Variants in WRNIP1 observed in about 807,000 individuals in gnomAD.
WRNIP1 encodes the protein WRN helicase interacting protein 1.
In WRNIP1, 41 loss-of-function variants were observed where a neutral mutation model predicts 56.1. That is an observed-to-expected ratio of 0.73 (90% confidence interval 0.57 to 0.95). The LOEUF (loss-of-function observed/expected upper bound fraction) is 0.95. Ranked by LOEUF, WRNIP1 falls within the 40% of genes least tolerant of loss-of-function variation. WRNIP1 has a pLI of 0.00. For synonymous variants in WRNIP1, 547 were observed against 398.1 expected (o/e 1.37, Z -4.45); for missense variants, 1,170 against 939.4 (o/e 1.25, Z -3.21).
At chr6:2,784,627 C>G (rs1765664017) in intron 6 of WRNIP1, among the ~76,000 whole-genome samples, 1 of 152,154 alleles carries the variant, frequency 6.6e-6, no homozygotes. Flanking sequence ...TTCCGGGGTT[C>G]AGAGCACATG....
Position 2,766,087 on chromosome 6 carries a change from C to G in WRNIP1, c.465C>G (p.Arg155=). 1 of 1,311,998 alleles carries G rather than the reference C, an allele frequency of 7.6e-7. No homozygotes were observed. Among genetic ancestry groups the G allele is most frequent in the South Asian group, 2.2e-5 (1 of 44,638 alleles). 81.3% of individuals were successfully genotyped at this position (1,311,998 alleles called of 1,614,324 possible). The change falls in exon 1 of 7, where the codon CGC becomes CGG. Residue 155 remains arginine (R), a synonymous_variant. Coordinates refer to ENST00000380773, the MANE Select transcript of WRNIP1 (RefSeq NM_020135.3). The part of the protein sequence containing the change: ...AAAAAGSASP[R]SWDEAEAQEE... ...CCGCGGCGGGGAGCGCGTCTCCGCG[C>G]AGCTGGGACGAGGCGGAGGCGCAGG...
At position 2,785,995 on chromosome 6, in the gene WRNIP1, G is replaced by A. The variant is rs562920573; in HGVS notation, c.*713G>A. On this transcript the variant is annotated 3_prime_UTR_variant, in exon 7 of 7. Transcript: ENST00000380773. ...ATGCCCATTTTTTCCCACTTGTCCT[G>A]GTTTCTTCTTGCAGCTCCATATTTC... 6.6e-6 allele frequency: 1 copy of A among 151,922 alleles called. No individual in the cohort carries two copies. The highest frequency in any genetic ancestry group is 1.5e-5 in the Non-Finnish European group (1 of 67,738). 9.4% of individuals were successfully genotyped at this position (151,922 alleles called of 1,614,324 possible).
Position 2,784,404 on chromosome 6 carries a change from G to C in WRNIP1, c.1722+1G>C. On this transcript the variant is annotated splice_donor_variant, in intron 6 of 6. Transcript: ENST00000380773. LOFTEE classifies it high-confidence loss of function. The stretch of plus-strand genomic sequence containing the variant: ...TTTTATAGGCATGCCTGAATGTGAG[G>C]TAAAGTAATCAGCTCATTTCTTGCA... 1 of 1,613,836 alleles carries C rather than the reference G, an allele frequency of 6.2e-7. No homozygotes were observed.
rs1305034908 is a variant in WRNIP1 at position 2,765,592 on chromosome 6, G to T, written c.-31G>T. 2 of 1,469,468 alleles carry T rather than the reference G, an allele frequency of 1.4e-6. No homozygotes were observed. The highest frequency in any genetic ancestry group is 1.8e-6 in the Non-Finnish European group (2 of 1,117,330). 91.0% of individuals were successfully genotyped at this position (1,469,468 alleles called of 1,614,324 possible). Reference sequence around the variant, plus strand: ...CGCGTGCGCACGGGTTGCTGCGGCCGCGCCGGGCGCCGGGGAGGGCGGCGG... The same window carrying T: ...CGCGTGCGCACGGGTTGCTGCGGCCTCGCCGGGCGCCGGGGAGGGCGGCGG... On this transcript the variant is annotated 5_prime_UTR_variant, in exon 1 of 7. Transcript: ENST00000380773.
rs112276806 is a variant in WRNIP1 at position 2,766,046 on chromosome 6, A to T, written c.424A>T (p.Arg142Trp). Residue 142 changes from arginine (R) to tryptophan (W), a missense_variant, in exon 1 of 7, where the codon AGG becomes TGG. Transcript: ENST00000380773. ...SSPGRKGSGK[R>W]PAAAAAAGSA... is the part of the protein sequence containing the mutation. The stretch of plus-strand genomic sequence containing the variant: ...CCCCGGGAGGAAGGGGTCGGGGAAG[A>T]GGCCGGCGGCCGCCGCCGCGGCGGG... 1 of 1,297,052 alleles carries T rather than the reference A, an allele frequency of 7.7e-7. No individual in the cohort carries two copies. Among genetic ancestry groups the T allele is most frequent in the Non-Finnish European group, 9.7e-7 (1 of 1,027,230 alleles). 80.3% of individuals were successfully genotyped at this position (1,297,052 alleles called of 1,614,324 possible). A position where few individuals can be genotyped will look rare whatever the true frequency, so the allele number is the denominator to read the frequency against.
At chr6:2,770,419 A>C in intron 3 of WRNIP1, 58 bp downstream of exon 3, 1 of 1,598,944 alleles carries the variant, frequency 6.3e-7, no homozygotes, top group East Asian at 2.2e-5. Flanking sequence ...GTCTCCTGGC[A>C]GGGGGCCAGA....
In WRNIP1 at chr6:2,783,504, G is replaced by T; in HGVS notation, c.1585G>T (p.Gly529Ter). The change falls in exon 5 of 7, where the codon GGA becomes TGA. Residue 529 changes from glycine to a stop codon, truncating the protein, a stop_gained. Coordinates refer to ENST00000380773, the MANE Select transcript of WRNIP1 (RefSeq NM_020135.3). LOFTEE classifies it high-confidence loss of function. ...CTGGCTGGCTCGCATGCTCGAGGGAGGAGAGGACCCACTCTACGTGGCACG... is the reference window on the plus strand; with the variant it reads ...CTGGCTGGCTCGCATGCTCGAGGGATGAGAGGACCCACTCTACGTGGCACG... Reference protein sequence around the residue: ...LYWLARMLEGGEDPLYVARRL... With the variant: ...LYWLARMLEG 6.2e-7 allele frequency: 1 copy of T among 1,613,992 alleles called. No individual in the cohort carries two copies. The highest frequency in any genetic ancestry group is 8.5e-7 in the Non-Finnish European group (1 of 1,179,984).
chr6:2,772,930 C>T, intron 3 of WRNIP1: 2 of 976,576 alleles, frequency 2.0e-6, no homozygotes, highest in Non-Finnish European at 1.2e-6. Context: ...CTTACTTTCT[C>T]TCTCCAGGAA....
chr6:2,785,301 C>A lies in WRNIP1; in HGVS notation c.*19C>A. 6.2e-7 allele frequency: 1 copy of A among 1,603,746 alleles called. No individual in the cohort carries two copies. Among genetic ancestry groups the A allele is most frequent in the Non-Finnish European group, 8.5e-7 (1 of 1,173,312 alleles). The stretch of plus-strand genomic sequence containing the variant: ...GTGCTGACTCCTCAGGGCACGACAG[C>A]AGAAGGATGTTGCTTTTTTAAGGGA... On this transcript the variant is annotated 3_prime_UTR_variant, in exon 7 of 7. Coordinates refer to ENST00000380773, the MANE Select transcript of WRNIP1 (RefSeq NM_020135.3).
rs143066735 is a variant in WRNIP1, at chr6:2,781,467, A to G, written c.1487-1939A>G. Reference sequence around the variant, plus strand: ...CAGGCTTTGCTCTATAAATAGGGATAGTGGAAGCATTGCCCTGGAAACCTG... The same window carrying G: ...CAGGCTTTGCTCTATAAATAGGGATGGTGGAAGCATTGCCCTGGAAACCTG... On this transcript the variant is annotated intron_variant, in intron 4 of 6. Coordinates refer to ENST00000380773, the MANE Select transcript of WRNIP1 (RefSeq NM_020135.3). Among the ~76,000 whole-genome samples, 564 of 152,340 alleles carry G rather than the reference A, an allele frequency of 3.7e-3. 4 individuals carry two copies. The highest frequency in any genetic ancestry group is 0.012 in the African/African-American group (491 of 41,572).
chr6:2,766,508 G>GGA, intron 1 of WRNIP1, 64 bp downstream of exon 1: 1 of 1,439,584 alleles, frequency 6.9e-7, no homozygotes, highest in South Asian at 1.4e-5. Flanking sequence ...GCTGATGGTC[G>GGA]GAGAGCCGGG....
intron 4 of WRNIP1, among the ~76,000 whole-genome samples, chr6:2,781,815 G>C (rs779898549): frequency 1.3e-5 from 2 of 152,214 alleles, no homozygotes; most frequent in Non-Finnish European, 2.9e-5. Context: ...TGTGCCAGGC[G>C]TGTGTTATTT....
chr6:2,777,453 C>T (rs1440347084), intron 3 of WRNIP1, among the ~76,000 whole-genome samples: 2 of 152,134 alleles, frequency 1.3e-5, no homozygotes, highest in East Asian at 3.9e-4. Context: ...CTCAATTGTC[C>T]TGAAGGCTTT....
rs758240135 is a variant in WRNIP1, at chr6:2,768,818, G to C, written c.950G>C (p.Ser317Thr). The change falls in exon 2 of 7, where the codon AGC becomes ACC. Residue 317 changes from serine (S) to threonine (T), a missense_variant. By Grantham distance (58) the Ser-to-Thr change is moderately conservative. Coordinates refer to ENST00000380773, the MANE Select transcript of WRNIP1 (RefSeq NM_020135.3). The part of the protein sequence containing the change: ...DVIKQAQNEK[S>T]FFKRKTILFI... ...ATAAAACAAGCTCAAAATGAAAAGA[G>C]CTTTTTCAAAAGGAAAACCATCCTT... The C allele has an allele frequency of 6.2e-7, 1 of 1,613,730 alleles. No individual in the cohort carries two copies. Among genetic ancestry groups the C allele is most frequent in the South Asian group, 1.1e-5 (1 of 90,998 alleles).
At chr6:2,774,106 C>T (rs1370687756) in intron 3 of WRNIP1, 1 of 985,096 alleles carries the variant, frequency 1.0e-6, no homozygotes, top group East Asian at 1.1e-4. Flanking sequence ...AAGGGATTGG[C>T]CAGAATAAAT....
chr6:2,768,877 C>A lies in WRNIP1; in HGVS notation c.1009C>A (p.Gln337Lys). The change falls in exon 2 of 7, where the codon CAG becomes AAG. Residue 337 changes from glutamine (Q) to lysine (K), a missense_variant. By Grantham distance (53) the Gln-to-Lys change is moderately conservative. Coordinates refer to ENST00000380773, the MANE Select transcript of WRNIP1 (RefSeq NM_020135.3). Reference sequence around the variant, plus strand: ...TGAGATTCATCGGTTCAATAAATCTCAGCAGGTATATTAACTTCCTTCTAC... The same window carrying A: ...TGAGATTCATCGGTTCAATAAATCTAAGCAGGTATATTAACTTCCTTCTAC... ...IDEIHRFNKS[Q>K]QDTFLPHVEC... The A allele has an allele frequency of 6.2e-7, 1 of 1,608,380 alleles. No homozygotes were observed. The highest frequency in any genetic ancestry group is 1.1e-5 in the South Asian group (1 of 90,428).
At chr6:2,784,543 A>G (rs1765661936) in intron 6 of WRNIP1, 140 bp downstream of exon 6, 3 of 826,252 alleles carry the variant, frequency 3.6e-6, no homozygotes, top group Admixed American at 2.3e-5. Context: ...TGGAATTCCA[A>G]TTGTAGACTC....
In WRNIP1 at chr6:2,766,375, G is replaced by A. The variant is rs551446694; in HGVS notation, c.753G>A (p.Leu251=). The part of the protein sequence containing the change: ...GQSKAVGQDT[L]LRSLLETNEI... ...GCAAGGCCGTGGGCCAGGATACCCT[G>A]CTGCGCTCGCTCCTGGAGACCAACG... is the stretch of plus-strand genomic sequence containing the variant. Residue 251 remains leucine, a synonymous_variant, in exon 1 of 7, where the codon CTG becomes CTA. Coordinates refer to ENST00000380773, the MANE Select transcript of WRNIP1 (RefSeq NM_020135.3). 8 of 1,608,838 alleles carry A rather than the reference G, an allele frequency of 5.0e-6. No homozygotes were observed. The African/African-American group carries it at 1.1e-4, about 21-fold the overall frequency.
Position 2,780,888 on chromosome 6 carries a change from G to A in WRNIP1, c.1486+1396G>A, listed in dbSNP as rs1487907491. On this transcript the variant is annotated intron_variant, in intron 4 of 6. Transcript: ENST00000380773. ...CTGTCACTTGAGATCCATATAACATGGCATTCACTAACACTCAGCCATTGA... is the reference window on the plus strand; with the variant it reads ...CTGTCACTTGAGATCCATATAACATAGCATTCACTAACACTCAGCCATTGA... Among the ~76,000 whole-genome samples the A allele has an allele frequency of 2.0e-5, 3 of 152,072 alleles. No homozygotes were observed. In the East Asian group the frequency reaches 5.8e-4, roughly 29 times the overall value.
Sources: gnomAD v4.1 joint callset for allele counts (sites outside exome capture counted in the v4.1 genomes callset) on GRCh38, gnomAD v4.1.1 for gene constraint, MANE v1.5 for transcripts, NCBI Gene and HGNC (gene_info 2026-07-23, HGNC 2026-07-21) for gene names.